PHKG2: variants seen among roughly 807,000 people sequenced by gnomAD.
PHKG2 encodes the protein phosphorylase kinase catalytic subunit gamma 2.
A neutral mutation model predicts 44.5 loss-of-function variants in PHKG2; 28 were observed. That is an observed-to-expected ratio of 0.63 (90% confidence interval 0.47 to 0.86). The LOEUF (loss-of-function observed/expected upper bound fraction) is 0.86. Ranked by LOEUF, PHKG2 falls within the 40% of genes least tolerant of loss-of-function variation. The pLI is 0.00. For synonymous variants in PHKG2, 220 were observed against 211.2 expected (o/e 1.04, Z -0.36); for missense variants, 498 against 547.5 (o/e 0.91, Z 0.90).
In PHKG2 at chr16:30,759,539, A is replaced by C. The variant is rs746337535; in HGVS notation, c.*2442A>C. On this transcript the variant is annotated 3_prime_UTR_variant, in exon 10 of 10. Transcript: ENST00000563588. ...CCTCCAAAAGCCCAGCAACAGGAGC[A>C]AGGAGAGCCCACTGGGGTCTTCACA... The C allele has an allele frequency of 6.2e-6, 10 of 1,614,170 alleles. No individual in the cohort carries two copies. Among genetic ancestry groups the C allele is most frequent in the Non-Finnish European group, 7.6e-6 (9 of 1,180,024 alleles).
Position 30,759,651 on chromosome 16 carries a change from G to A in PHKG2, c.*2554G>A, listed in dbSNP as rs780552714. ...GTTTCCAGAATGTTCCAGGGGAACTGACCCTGACTCCATGGCAAAAAAGGA... is the reference window on the plus strand; with the variant it reads ...GTTTCCAGAATGTTCCAGGGGAACTAACCCTGACTCCATGGCAAAAAAGGA... On this transcript the variant is annotated 3_prime_UTR_variant, in exon 10 of 10. Transcript: ENST00000563588. 9 of 1,613,930 alleles carry A rather than the reference G, an allele frequency of 5.6e-6. No homozygotes were observed. The highest frequency in any genetic ancestry group is 1.7e-5 in the Admixed American group (1 of 60,012).
intron 2 of PHKG2, among the ~76,000 whole-genome samples, chr16:30,749,928 A>G (rs2053322996): frequency 6.6e-6 from 1 of 151,978 alleles, no homozygotes; most frequent in Non-Finnish European, 1.5e-5. Flanking sequence ...AGGAGGAGTC[A>G]CCTTTGGGCT....
At chr16:30,749,378 C>T (rs1017440061) in intron 2 of PHKG2, among the ~76,000 whole-genome samples, 1 of 152,154 alleles carries the variant, frequency 6.6e-6, no homozygotes, top group Non-Finnish European at 1.5e-5. Flanking sequence ...GACGGAGTCT[C>T]GCTCTGTCGC....
chr16:30,759,169 C>G lies in PHKG2; in HGVS notation c.*2072C>G. The G allele has an allele frequency of 6.2e-7, 1 of 1,614,230 alleles. No individual in the cohort carries two copies. Among genetic ancestry groups the G allele is most frequent in the Non-Finnish European group, 8.5e-7 (1 of 1,180,036 alleles). On this transcript the variant is annotated 3_prime_UTR_variant, in exon 10 of 10. Transcript: ENST00000563588. Reference sequence around the variant, plus strand: ...CCCAGCCCAGCCCTGCCCTGGCACTCTCCCTTACCCGTCTCACTCTCTGGC... The same window carrying G: ...CCCAGCCCAGCCCTGCCCTGGCACTGTCCCTTACCCGTCTCACTCTCTGGC...
In PHKG2 at chr16:30,760,396, G is replaced by C. The variant is rs1023949338; in HGVS notation, c.*3299G>C. 10 of 1,614,096 alleles carry C rather than the reference G, an allele frequency of 6.2e-6. No individual in the cohort carries two copies. Among genetic ancestry groups the C allele is most frequent in the South Asian group, 4.4e-5 (4 of 91,090 alleles). On this transcript the variant is annotated 3_prime_UTR_variant, in exon 10 of 10. Transcript: ENST00000563588. ...GCGCGTGGCAGAAGAGGTCCAGGGT[G>C]ATGGCGTCCCTCAGGCTCTGCTCAG...
Position 30,759,441 on chromosome 16 carries a change from G to A in PHKG2, c.*2344G>A, listed in dbSNP as rs117306997. The A allele has an allele frequency of 9.4e-3, 15,097 of 1,614,218 alleles. 90 individuals are homozygous for A. Among genetic ancestry groups the A allele is most frequent in the Non-Finnish European group, 0.012 (14,098 of 1,180,042 alleles). On this transcript the variant is annotated 3_prime_UTR_variant, in exon 10 of 10. Transcript: ENST00000563588. ...GCAGCTGTTCCTCTTTGAAGAGGTCGATGCTGAAAGGAGGCCGCTGTGGTG... is the reference window on the plus strand; with the variant it reads ...GCAGCTGTTCCTCTTTGAAGAGGTCAATGCTGAAAGGAGGCCGCTGTGGTG...
chr16:30,760,033 G>A lies in PHKG2; in HGVS notation c.*2936G>A. 3 of 1,500,266 alleles carry A rather than the reference G, an allele frequency of 2.0e-6. No homozygotes were observed. The highest frequency in any genetic ancestry group is 2.6e-5 in the South Asian group (2 of 78,244). The allele number at this position is 1,500,266 out of a possible 1,614,324, so 92.9% of individuals were successfully genotyped here. A position where few individuals can be genotyped will look rare whatever the true frequency, so the allele number is the denominator to read the frequency against. ...AAGAGCTATTAAACATTCTAAAGCA[G>A]GTGTTATTGTGCACTATGCATATAT... On this transcript the variant is annotated 3_prime_UTR_variant, in exon 10 of 10. Transcript: ENST00000563588.
Position 30,760,013 on chromosome 16 carries a change from C to T in PHKG2, c.*2916C>T. 1 of 1,479,814 alleles carries T rather than the reference C, an allele frequency of 6.8e-7. No homozygotes were observed. The highest frequency in any genetic ancestry group is 8.9e-7 in the Non-Finnish European group (1 of 1,121,368). 91.7% of individuals were successfully genotyped at this position (1,479,814 alleles called of 1,614,324 possible). ...GCTATTAAACATTCTGAAGCAAGAG[C>T]TATTAAACATTCTAAAGCAGGTGTT... On this transcript the variant is annotated 3_prime_UTR_variant, in exon 10 of 10. Coordinates refer to ENST00000563588, the MANE Select transcript of PHKG2 (RefSeq NM_000294.3).
rs771175523 is a variant in PHKG2, at chr16:30,761,152, T to C, written c.*4055T>C. 1.9e-6 allele frequency: 3 copies of C among 1,605,010 alleles called. No homozygotes were observed. The highest frequency in any genetic ancestry group is 2.2e-5 in the East Asian group (1 of 44,764). ...ACAGACAGGACTGTTGGGGAGACAA[T>C]AAAGAACGCAAATATTCAGTGTAAT... is the stretch of plus-strand genomic sequence containing the variant. On this transcript the variant is annotated 3_prime_UTR_variant, in exon 10 of 10. Coordinates refer to ENST00000563588, the MANE Select transcript of PHKG2 (RefSeq NM_000294.3).
At chr16:30,751,373 A>T in intron 3 of PHKG2, 92 bp downstream of exon 3, 1 of 1,400,850 alleles carries the variant, frequency 7.1e-7, no homozygotes, top group Admixed American at 1.7e-5. Flanking sequence ...TTGCCTCCAC[A>T]CCTCTCCTCC....
Position 30,760,799 on chromosome 16 carries a change from T to A in PHKG2, c.*3702T>A. ...CTCTTTTGCCAGCTTGCTGTGTGAC[T>A]ATGCAAATCGTTAACTCTCTGGGCC... On this transcript the variant is annotated 3_prime_UTR_variant, in exon 10 of 10. Transcript: ENST00000563588. 1.3e-6 allele frequency: 1 copy of A among 791,110 alleles called. No individual in the cohort carries two copies. Among genetic ancestry groups the A allele is most frequent in the Non-Finnish European group, 2.1e-6 (1 of 468,180 alleles). The allele number at this position is 791,110 out of a possible 1,614,324, so 49.0% of individuals were successfully genotyped here. A position where few individuals can be genotyped will look rare whatever the true frequency, so the allele number is the denominator to read the frequency against.
In PHKG2 at chr16:30,759,474, G is replaced by A. The variant is rs373928064; in HGVS notation, c.*2377G>A. On this transcript the variant is annotated 3_prime_UTR_variant, in exon 10 of 10. Coordinates refer to ENST00000563588, the MANE Select transcript of PHKG2 (RefSeq NM_000294.3). Reference sequence around the variant, plus strand: ...AAGGAGGCCGCTGTGGTGGTGACTCGGAATTAGAACCCTGACTACCTTCCG... The same window carrying A: ...AAGGAGGCCGCTGTGGTGGTGACTCAGAATTAGAACCCTGACTACCTTCCG... 131 of 1,614,004 alleles carry A rather than the reference G, an allele frequency of 8.1e-5. No homozygotes were observed. Among genetic ancestry groups the A allele is most frequent in the Middle Eastern group, 1.6e-4 (1 of 6,078 alleles).
Position 30,760,028 on chromosome 16 carries a change from A to G in PHKG2, c.*2931A>G, listed in dbSNP as rs778069910. 19 of 1,495,272 alleles carry G rather than the reference A, an allele frequency of 1.3e-5. No individual in the cohort carries two copies. Among genetic ancestry groups the G allele is most frequent in the Non-Finnish European group, 1.7e-5 (19 of 1,127,424 alleles). The allele number at this position is 1,495,272 out of a possible 1,614,324, so 92.6% of individuals were successfully genotyped here. On this transcript the variant is annotated 3_prime_UTR_variant, in exon 10 of 10. Coordinates refer to ENST00000563588, the MANE Select transcript of PHKG2 (RefSeq NM_000294.3). ...GAAGCAAGAGCTATTAAACATTCTAAAGCAGGTGTTATTGTGCACTATGCA... is the reference window on the plus strand; with the variant it reads ...GAAGCAAGAGCTATTAAACATTCTAGAGCAGGTGTTATTGTGCACTATGCA...
intron 4 of PHKG2, 65 bp downstream of exon 4, chr16:30,751,668 G>T: frequency 7.6e-7 from 1 of 1,320,114 alleles, no homozygotes; most frequent in East Asian, 2.3e-5. Context: ...CCCAGCATTT[G>T]TGGTGCAGTG....
chr16:30,749,955 G>A (rs1325621887), intron 2 of PHKG2, among the ~76,000 whole-genome samples: 2 of 148,692 alleles, frequency 1.3e-5, no homozygotes, highest in Non-Finnish European at 3.0e-5. Context: ...TGAGGTATGA[G>A]TAGGAGTTCA....
At chr16:30,751,416 G>A (rs2053342191) in intron 3 of PHKG2, 133 bp from the exon 4 acceptor site, 1 of 1,274,940 alleles carries the variant, frequency 7.8e-7, no homozygotes, top group Non-Finnish European at 1.1e-6. Flanking sequence ...CATCCGTTGG[G>A]CGCCCACTGC....
intron 2 of PHKG2, among the ~76,000 whole-genome samples, chr16:30,749,121 GTGC>G (rs2053303333): frequency 5.3e-5 from 3 of 56,608 alleles, no homozygotes; most frequent in African/African-American, 1.6e-4. Flanking sequence ...GGTGGTGCTG[GTGC>G]TGGTGGTGGT....
Position 30,760,173 on chromosome 16 carries a change from T to C in PHKG2, c.*3076T>C. On this transcript the variant is annotated 3_prime_UTR_variant, in exon 10 of 10. Transcript: ENST00000563588. Reference sequence around the variant, plus strand: ...GGCTTGTGTATGATGATGCTACTAATAATGACATATTCCAGGCAGAAATCC... The same window carrying C: ...GGCTTGTGTATGATGATGCTACTAACAATGACATATTCCAGGCAGAAATCC... 6.3e-7 allele frequency: 1 copy of C among 1,599,878 alleles called. No individual in the cohort carries two copies.
chr16:30,750,918 T>C (rs1261200791), intron 2 of PHKG2, among the ~76,000 whole-genome samples, 188 bp from the exon 3 acceptor site: 2 of 152,226 alleles, frequency 1.3e-5, no homozygotes, highest in Non-Finnish European at 2.9e-5. Context: ...AGCTTTGTGT[T>C]GTGCCTTGCT....
Sources: gnomAD v4.1 joint callset for allele counts (sites outside exome capture counted in the v4.1 genomes callset) on GRCh38, gnomAD v4.1.1 for gene constraint, MANE v1.5 for transcripts, NCBI Gene and HGNC (gene_info 2026-07-23, HGNC 2026-07-21) for gene names.